Variants in HORMAD2 observed in about 807,000 individuals in gnomAD.
The protein encoded by HORMAD2 is HORMA domain-containing protein 2.
HORMAD2 carries 45 observed loss-of-function variants against 38.8 expected under a neutral mutation model. The observed-to-expected ratio is 1.16, with a 90% CI of 0.91 to 1.49. The LOEUF is 1.49. Among genes scored for constraint, HORMAD2 ranks in the 40% most tolerant of loss-of-function variants. The probability of loss-of-function intolerance (pLI) is 0.00; values close to 1 mark genes in which losing one functional copy is unlikely to be tolerated. For synonymous variants in HORMAD2, 126 were observed against 122.8 expected, an observed-to-expected ratio of 1.03 and a Z score of -0.17; for missense variants, 338 against 367.0, an observed-to-expected ratio of 0.92 and a Z score of 0.65.
At chr22:30,158,404 A>T (rs745946887) in intron 10 of HORMAD2, among the ~76,000 whole-genome samples, 3 of 152,164 alleles carry the variant, frequency 2.0e-5, no homozygotes, top group Non-Finnish European at 4.4e-5. Context: ...CCTAATCAGG[A>T]TTATTAAAAC....
At chr22:30,206,807 C>CATGG in the HORMAD2 span, among the ~76,000 whole-genome samples, 1 of 152,156 alleles carries the variant, frequency 6.6e-6, no homozygotes, top group Non-Finnish European at 1.5e-5. Flanking sequence ...AAATTCTGAC[C>CATGG]ATGGAGCCAG....
At chr22:30,169,165 C>G (rs1252188919) in intron 10 of HORMAD2, among the ~76,000 whole-genome samples, 1 of 152,148 alleles carries the variant, frequency 6.6e-6, no homozygotes, top group African/African-American at 2.4e-5. Context: ...TGAAGCCTTG[C>G]CAGGCCTCCC....
downstream of HORMAD2, among the ~76,000 whole-genome samples, chr22:30,181,649 A>C (rs1396411338): frequency 6.6e-6 from 1 of 152,258 alleles, no homozygotes; most frequent in Non-Finnish European, 1.5e-5. Flanking sequence ...CTTTAAATTT[A>C]TGAAAGTCTG....
chr22:30,163,955 T>A (rs2123721303), intron 10 of HORMAD2, among the ~76,000 whole-genome samples: 1 of 152,220 alleles, frequency 6.6e-6, no homozygotes, highest in Non-Finnish European at 1.5e-5. Flanking sequence ...ATTCCTCATC[T>A]CCCTCTCCCC....
the HORMAD2 span, among the ~76,000 whole-genome samples, chr22:30,188,132 C>T: frequency 6.6e-6 from 1 of 152,136 alleles, no homozygotes; most frequent in Non-Finnish European, 1.5e-5. Flanking sequence ...CAATAAGCAT[C>T]TCTGAAGCCA....
chr22:30,083,981 G>A (rs1333615890), intron 1 of HORMAD2, among the ~76,000 whole-genome samples: 1 of 152,172 alleles, frequency 6.6e-6, no homozygotes, highest in Non-Finnish European at 1.5e-5. Context: ...ATTTTGGAGA[G>A]TCAGTCTGGA....
At chr22:30,118,947 C>CT (rs753760524) in intron 7 of HORMAD2, 33 bp from the exon 8 acceptor site, 58 of 1,446,108 alleles carry the variant, frequency 4.0e-5, no homozygotes, top group Middle Eastern at 4.2e-4. Flanking sequence ...TTTCTAAATT[C>CT]TTTTTTTTCT....
the HORMAD2 span, among the ~76,000 whole-genome samples, chr22:30,187,130 A>G: frequency 6.6e-6 from 1 of 152,234 alleles, no homozygotes; most frequent in Non-Finnish European, 1.5e-5. Context: ...AAAATTAACC[A>G]TACTTTGACT....
At chr22:30,187,722 T>A in the HORMAD2 span, among the ~76,000 whole-genome samples, 140,333 of 152,144 alleles carry the variant, frequency 0.92, 64,798 homozygotes, top group East Asian at 1. Flanking sequence ...CAGATGCATT[T>A]TTTCCCCAAG....
intron 8 of HORMAD2, 29 bp from the exon 9 acceptor site, chr22:30,121,603 T>G: frequency 6.5e-7 from 1 of 1,534,984 alleles, no homozygotes; most frequent in Non-Finnish European, 8.8e-7. Flanking sequence ...TTGTATATGA[T>G]CAAAAAGTAT....
intron 3 of HORMAD2, among the ~76,000 whole-genome samples, chr22:30,099,333 T>G (rs1168318703): frequency 6.6e-6 from 1 of 152,220 alleles, no homozygotes; most frequent in Non-Finnish European, 1.5e-5. Flanking sequence ...AGGTACACTT[T>G]AGCATTGAGG....
At position 30,121,621 on chromosome 22, in the gene HORMAD2, T is replaced by A; in HGVS notation, c.411-11T>A. 6.4e-7 allele frequency: 1 copy of A among 1,560,076 alleles called. No individual in the cohort carries two copies. Among genetic ancestry groups the A allele is most frequent in the Non-Finnish European group, 8.7e-7 (1 of 1,154,916 alleles). On this transcript the variant is annotated splice_polypyrimidine_tract_variant and intron_variant, in intron 8 of 10. Transcript: ENST00000336726. Reference sequence around the variant, plus strand: ...TATATGATCAAAAAGTATGCTTTTTTTTCTGTGTAGTCATAGCAGCAGTAC... The same window carrying A: ...TATATGATCAAAAAGTATGCTTTTTATTCTGTGTAGTCATAGCAGCAGTAC...
At chr22:30,160,725 G>A (rs549892557) in intron 10 of HORMAD2, among the ~76,000 whole-genome samples, 4 of 152,076 alleles carry the variant, frequency 2.6e-5, no homozygotes, top group Non-Finnish European at 4.4e-5. Flanking sequence ...TAACAAAAAT[G>A]GAAGCAATTA....
rs577121583 is a variant in HORMAD2, at chr22:30,136,340, T to G, written c.819+14126T>G. 2.6e-5 allele frequency among the ~76,000 whole-genome samples: 4 copies of G among 152,292 alleles called. No homozygotes were observed. The East Asian group carries it at 5.8e-4, about 22-fold the overall frequency. On this transcript the variant is annotated intron_variant, in intron 10 of 10. Coordinates refer to ENST00000336726, the MANE Select transcript of HORMAD2 (RefSeq NM_152510.4). ...TACCATGCAATTCACTCATTTAAAA[T>G]GTACAACTTAATGGTTTTTAGTTAT...
intron 7 of HORMAD2, among the ~76,000 whole-genome samples, chr22:30,116,647 T>C (rs1047020461): frequency 1.3e-5 from 2 of 152,224 alleles, no homozygotes; most frequent in African/African-American, 4.8e-5. Flanking sequence ...GCTGTAAATA[T>C]ACTTTCCTAG....
chr22:30,181,661 C>T (rs1467606547), downstream of HORMAD2, among the ~76,000 whole-genome samples: 1 of 152,196 alleles, frequency 6.6e-6, no homozygotes, highest in African/African-American at 2.4e-5. Context: ...GAAAGTCTGT[C>T]ATAAAATGCA....
At chr22:30,098,573 A>G (rs1339693974) in intron 2 of HORMAD2, among the ~76,000 whole-genome samples, 1 of 152,168 alleles carries the variant, frequency 6.6e-6, no homozygotes, top group Non-Finnish European at 1.5e-5. Context: ...AGAGGGAAGA[A>G]GATTATATAA....
chr22:30,101,428 C>T (rs1288095905), intron 3 of HORMAD2, among the ~76,000 whole-genome samples: 2 of 149,434 alleles, frequency 1.3e-5, no homozygotes, highest in African/African-American at 2.5e-5. Flanking sequence ...ACACTGGAGC[C>T]TGTAGGGGGG....
At chr22:30,143,003 C>T (rs1190728076) in intron 10 of HORMAD2, among the ~76,000 whole-genome samples, 1 of 151,976 alleles carries the variant, frequency 6.6e-6, no homozygotes, top group Non-Finnish European at 1.5e-5. Flanking sequence ...ATTAATGGTA[C>T]AAGATCAACA....
Sources: gnomAD v4.1 joint callset for allele counts (sites outside exome capture counted in the v4.1 genomes callset) on GRCh38, gnomAD v4.1.1 for gene constraint, MANE v1.5 for transcripts, NCBI Gene and HGNC (gene_info 2026-07-23, HGNC 2026-07-21) for gene names.